Variants in GIGYF2 observed in about 807,000 individuals in gnomAD.
GIGYF2 encodes GRB10-interacting GYF protein 2.
A neutral mutation model predicts 208.1 loss-of-function variants in GIGYF2; 25 were observed. The observed-to-expected ratio is 0.12, with a 90% CI of 0.09 to 0.17. The LOEUF is 0.17. Ranked by LOEUF, GIGYF2 falls within the 10% of genes least tolerant of loss-of-function variation. The probability of loss-of-function intolerance (pLI) is 1.00; values close to 1 mark genes in which losing one functional copy is unlikely to be tolerated. For synonymous variants in GIGYF2, 534 were observed against 543.8 expected (o/e 0.98, Z 0.25); for missense variants, 1,302 against 1,579.4 (o/e 0.82, Z 2.98).
rs188968856 is a variant in GIGYF2 at position 232,809,251 on chromosome 2, T to C, written c.1807-469T>C. Among the ~76,000 whole-genome samples the C allele has an allele frequency of 1.1e-3, 174 of 152,348 alleles. 1 individual carries two copies. The highest frequency in any genetic ancestry group is 4.0e-3 in the African/African-American group (167 of 41,588). On this transcript the variant is annotated intron_variant, in intron 15 of 28. Transcript: ENST00000373563. ...AGCCACCACGCCCGGCCTCTTTTTA[T>C]ATTCTTAACATCTTTAAGATACATA...
At chr2:232,733,257 C>CA (rs397868481) in intron 2 of GIGYF2, among the ~76,000 whole-genome samples, 1,306 of 91,074 alleles carry the variant, frequency 0.014, 23 homozygotes, top group African/African-American at 0.038. Flanking sequence ...ACTCTTGTCT[C>CA]AAAAAAAAAA....
intron 19 of GIGYF2, 77 bp downstream of exon 19, chr2:232,815,814 C>G: frequency 1.3e-6 from 1 of 781,206 alleles, no homozygotes. Context: ...ATTCATCTCT[C>G]TAGCTAGCTA....
intron 14 of GIGYF2, among the ~76,000 whole-genome samples, chr2:232,799,436 A>C (rs953604511): frequency 6.6e-6 from 1 of 151,674 alleles, no homozygotes; most frequent in African/African-American, 2.4e-5. Flanking sequence ...TGTAGTCCCA[A>C]CTACTCAGGA....
intron 2 of GIGYF2, among the ~76,000 whole-genome samples, chr2:232,734,108 A>C (rs745310107): frequency 3.1e-4 from 40 of 129,350 alleles, no homozygotes; most frequent in Non-Finnish European, 5.5e-4. Context: ...TTATTTTAAA[A>C]CTTTTTTTTT....
chr2:232,769,195 T>G (rs1200326509), intron 8 of GIGYF2, among the ~76,000 whole-genome samples: 1 of 152,142 alleles, frequency 6.6e-6, no homozygotes, highest in Non-Finnish European at 1.5e-5. Flanking sequence ...GAGACTAGGT[T>G]CAGAGTAGAA....
At position 232,790,990 on chromosome 2, in the gene GIGYF2, T is replaced by C. The variant is rs758003807; in HGVS notation, c.931-18T>C. 6.2e-7 allele frequency: 1 copy of C among 1,613,950 alleles called. No homozygotes were observed. The highest frequency in any genetic ancestry group is 2.2e-5 in the East Asian group (1 of 44,868). On this transcript the variant is annotated intron_variant, in intron 10 of 28. Coordinates refer to ENST00000373563, the MANE Select transcript of GIGYF2 (RefSeq NM_001103146.3). ...GCCAAATCTGCTGTTGATCTTTGGTTTTATTCTCTTTCTACAGAAAGTACA... is the reference window on the plus strand; with the variant it reads ...GCCAAATCTGCTGTTGATCTTTGGTCTTATTCTCTTTCTACAGAAAGTACA...
chr2:232,841,499 G>C (rs1701817741), intron 23 of GIGYF2, among the ~76,000 whole-genome samples: 1 of 147,490 alleles, frequency 6.8e-6, no homozygotes, highest in Non-Finnish European at 1.5e-5. Flanking sequence ...ATTTTTAGTA[G>C]AGACGGAGTT....
At chr2:232,849,197 C>T (rs929625620) in intron 27 of GIGYF2, among the ~76,000 whole-genome samples, 6 of 152,056 alleles carry the variant, frequency 3.9e-5, no homozygotes, top group African/African-American at 1.4e-4. Context: ...GGAAGTGTCA[C>T]TCTGTTGCCC....
chr2:232,784,031 C>A (rs72617182), intron 8 of GIGYF2, among the ~76,000 whole-genome samples: 1 of 152,112 alleles, frequency 6.6e-6, no homozygotes, highest in African/African-American at 2.4e-5. Context: ...AATTTACTTA[C>A]GTACCAGTAA....
intron 8 of GIGYF2, among the ~76,000 whole-genome samples, chr2:232,779,464 C>T (rs1267255537): frequency 2.6e-5 from 4 of 152,188 alleles, no homozygotes; most frequent in Non-Finnish European, 5.9e-5. Flanking sequence ...GATTTCTGGC[C>T]TATGTAAGTA....
intron 15 of GIGYF2, among the ~76,000 whole-genome samples, chr2:232,807,969 G>A (rs1466941380): frequency 6.6e-6 from 1 of 152,220 alleles, no homozygotes; most frequent in African/African-American, 2.4e-5. Context: ...CTCGTAGTAG[G>A]TTCTTAGGAG....
chr2:232,721,241 C>T (rs1696930443), intron 2 of GIGYF2, among the ~76,000 whole-genome samples: 1 of 152,240 alleles, frequency 6.6e-6, no homozygotes, highest in Admixed American at 6.5e-5. Context: ...TGTCATCTGT[C>T]ATTGTCCAGA....
chr2:232,819,491 A>G (rs938876172), intron 20 of GIGYF2, among the ~76,000 whole-genome samples: 1 of 152,274 alleles, frequency 6.6e-6, no homozygotes, highest in East Asian at 1.9e-4. Context: ...AATAGGGATT[A>G]AAGATACCAG....
chr2:232,832,675 T>C lies in GIGYF2; in HGVS notation c.2530-182T>C, dbSNP rs140006327. The stretch of plus-strand genomic sequence containing the variant: ...TTTCATCCTGTAAGCATACCAGGCC[T>C]TTGTGGCTACTATAAATATATTTTA... On this transcript the variant is annotated intron_variant, in intron 21 of 28. Transcript: ENST00000373563. Among the ~76,000 whole-genome samples, 782 of 152,310 alleles carry C rather than the reference T, an allele frequency of 5.1e-3. 12 individuals are homozygous for C. The highest frequency in any genetic ancestry group is 0.018 in the African/African-American group (761 of 41,550).
chr2:232,847,242 A>G, intron 26 of GIGYF2, 106 bp from the exon 27 acceptor site: 1 of 1,081,316 alleles, frequency 9.2e-7, no homozygotes, highest in Admixed American at 1.7e-5. Context: ...GTCTGTCATT[A>G]ATGTTTGATT....
chr2:232,726,557 A>T (rs1262267108), intron 2 of GIGYF2, among the ~76,000 whole-genome samples: 1 of 152,146 alleles, frequency 6.6e-6, no homozygotes, highest in Non-Finnish European at 1.5e-5. Flanking sequence ...CCTGGGTAAC[A>T]GTGAGACCCT....
chr2:232,740,631 A>G (rs975229716), intron 3 of GIGYF2, among the ~76,000 whole-genome samples: 35 of 152,184 alleles, frequency 2.3e-4, no homozygotes, highest in Non-Finnish European at 1.5e-5. Flanking sequence ...TGGTAAGCCC[A>G]TTGTTGAGCT....
chr2:232,832,834 C>T (rs1178599390), intron 21 of GIGYF2, 23 bp from the exon 22 acceptor site: 1 of 1,511,788 alleles, frequency 6.6e-7, no homozygotes, highest in Non-Finnish European at 9.0e-7. Flanking sequence ...ATTTTTATAT[C>T]TTTAATTTTT....
chr2:232,763,679 A>AT (rs1221327099), intron 8 of GIGYF2, among the ~76,000 whole-genome samples: 6 of 152,022 alleles, frequency 3.9e-5, no homozygotes, highest in African/African-American at 1.4e-4. Context: ...ACAAAAAAAA[A>AT]TTAGCCAGGC....
Sources: allele counts gnomAD v4.1 joint callset (sites outside exome capture counted in the v4.1 genomes callset), GRCh38; gene constraint gnomAD v4.1.1; transcripts MANE v1.5; gene names NCBI Gene and HGNC (gene_info 2026-07-23, HGNC 2026-07-21).